The following FBXO25 variants were observed in gnomAD, a reference collection of about 807,000 sequenced individuals.
The protein encoded by FBXO25 is F-box protein 25.
Under a neutral mutation model 51.9 loss-of-function variants are expected in FBXO25, and 45 were observed. The ratio of observed to expected loss-of-function variants is 0.87; its 90% CI spans 0.68 to 1.11. FBXO25 has a LOEUF of 1.11. Among genes scored for constraint, FBXO25 ranks in the 50% most tolerant of loss-of-function variants. FBXO25 has a pLI of 0.00. For synonymous variants in FBXO25, 199 were observed against 151.0 expected (o/e 1.32, Z -2.33); for missense variants, 507 against 428.5 (o/e 1.18, Z -1.62).
At chr8:467,876 C>T (rs1800283005) in intron 9 of FBXO25, 1 of 1,569,366 alleles carries the variant, frequency 6.4e-7, no homozygotes, top group African/African-American at 1.3e-5. Context: ...TTTCTCAGGA[C>T]CCTGAGCAGG....
chr8:468,372 G>C (rs1800327009), intron 9 of FBXO25: 3 of 709,396 alleles, frequency 4.2e-6, no homozygotes, highest in Non-Finnish European at 5.2e-6. Flanking sequence ...CCAGAGGACA[G>C]AAAGTCCCCA....
intron 8 of FBXO25, among the ~76,000 whole-genome samples, chr8:462,259 A>G (rs1470725998): frequency 2.0e-5 from 3 of 152,224 alleles, no homozygotes; most frequent in African/African-American, 4.8e-5. Context: ...TCATGAGGTT[A>G]TCGTCCATTT....
chr8:476,373 T>C lies in FBXO25; in HGVS notation c.*7569T>C, dbSNP rs1800645218. ...TCTGGTTTTGGTATCAGAATAATGA[T>C]GGCCTCATAGAATGCATTTGGAAGT... On this transcript the variant is annotated 3_prime_UTR_variant, in exon 10 of 10. Coordinates refer to ENST00000350302, the MANE Select transcript of FBXO25 (RefSeq NM_183420.2). 6.6e-6 allele frequency: 1 copy of C among 152,228 alleles called. No individual in the cohort carries two copies. The allele number at this position is 152,228 out of a possible 1,614,324, so 9.4% of individuals were successfully genotyped here. A position where few individuals can be genotyped will look rare whatever the true frequency, so the allele number is the denominator to read the frequency against.
rs986765941 is a variant in FBXO25 at position 477,899 on chromosome 8, T to C, written c.*9095T>C. On this transcript the variant is annotated 3_prime_UTR_variant, in exon 10 of 10. Coordinates refer to ENST00000350302, the MANE Select transcript of FBXO25 (RefSeq NM_183420.2). ...TGGTGGGCCCAATTTTGGCCTGTAT[T>C]TCACTTGCCAACCTGATTTATACTT... is the stretch of plus-strand genomic sequence containing the variant. 8 of 152,232 alleles carry C rather than the reference T, an allele frequency of 5.3e-5. No homozygotes were observed. The highest frequency in any genetic ancestry group is 1.7e-4 in the African/African-American group (7 of 41,472). The allele number at this position is 152,232 out of a possible 1,614,324, so 9.4% of individuals were successfully genotyped here. A position where few individuals can be genotyped will look rare whatever the true frequency, so the allele number is the denominator to read the frequency against.
intron 1 of FBXO25, chr8:407,559 C>G: frequency 3.5e-6 from 2 of 564,528 alleles, no homozygotes; most frequent in Non-Finnish European, 4.5e-6. Flanking sequence ...TTCCCGCCCC[C>G]ACCCTCCTGG....
At chr8:418,294 TTTCCC>T (rs1047183495) in intron 2 of FBXO25, among the ~76,000 whole-genome samples, 1 of 151,876 alleles carries the variant, frequency 6.6e-6, no homozygotes, top group Admixed American at 6.6e-5. Flanking sequence ...TTTCTTTTCC[TTTCCC>T]TTTCCTTTCC....
At chr8:457,353 CAG>C (rs1222097177) in intron 7 of FBXO25, among the ~76,000 whole-genome samples, 4 of 152,330 alleles carry the variant, frequency 2.6e-5, no homozygotes, top group African/African-American at 9.6e-5. Flanking sequence ...AGGTCAACCT[CAG>C]AGCAGAGTTT....
At chr8:439,986 A>T (rs1367412607) in intron 5 of FBXO25, among the ~76,000 whole-genome samples, 1 of 152,168 alleles carries the variant, frequency 6.6e-6, no homozygotes, top group African/African-American at 2.4e-5. Context: ...ATTTTTTCAT[A>T]ATTTCTACTA....
At chr8:425,469 C>G (rs762765327) in intron 2 of FBXO25, among the ~76,000 whole-genome samples, 3 of 151,246 alleles carry the variant, frequency 2.0e-5, no homozygotes, top group Non-Finnish European at 2.9e-5. Context: ...TGAGAGCCAG[C>G]TTTTGGATTT....
chr8:475,017 G>A lies in FBXO25; in HGVS notation c.*6213G>A. 2 of 403,296 alleles carry A rather than the reference G, an allele frequency of 5.0e-6. No individual in the cohort carries two copies. The highest frequency in any genetic ancestry group is 9.7e-6 in the Non-Finnish European group (2 of 206,912). 25.0% of individuals were successfully genotyped at this position (403,296 alleles called of 1,614,324 possible). A position where few individuals can be genotyped will look rare whatever the true frequency, so the allele number is the denominator to read the frequency against. On this transcript the variant is annotated 3_prime_UTR_variant, in exon 10 of 10. Coordinates refer to ENST00000350302, the MANE Select transcript of FBXO25 (RefSeq NM_183420.2). Reference sequence around the variant, plus strand: ...TTAGTTACCTGTGTGTGCCTCTGGTGTCATATCTAAGAAATCACTGCCAAA... The same window carrying A: ...TTAGTTACCTGTGTGTGCCTCTGGTATCATATCTAAGAAATCACTGCCAAA...
At chr8:457,098 G>A (rs558565264) in intron 7 of FBXO25, among the ~76,000 whole-genome samples, 5 of 152,282 alleles carry the variant, frequency 3.3e-5, no homozygotes, top group African/African-American at 7.2e-5. Flanking sequence ...TACATACATC[G>A]ACCTATTGGG....
rs1800529071 is a variant in FBXO25, at chr8:472,964, G to C, written c.*4160G>C. 6.6e-6 allele frequency: 1 copy of C among 152,264 alleles called. No individual in the cohort carries two copies. The highest frequency in any genetic ancestry group is 1.5e-5 in the Non-Finnish European group (1 of 68,086). 9.4% of individuals were successfully genotyped at this position (152,264 alleles called of 1,614,324 possible). On this transcript the variant is annotated 3_prime_UTR_variant, in exon 10 of 10. Transcript: ENST00000350302. ...CACCTCCCTTTAGTCCCTATCAAAT[G>C]CTACCCAATGGCAAAGCCAAGGGAT...
chr8:417,484 T>C (rs1796879141), intron 2 of FBXO25, among the ~76,000 whole-genome samples: 1 of 152,168 alleles, frequency 6.6e-6, no homozygotes. Flanking sequence ...TATGGTGCAG[T>C]AAGAGGGTCG....
rs1248595583 is a variant in FBXO25, at chr8:440,854, C to A, written c.381+5147C>A. Reference sequence around the variant, plus strand: ...CATGTGGTGTTTGGTTTTCTGTTCTCGTGTTAGTTTGCTGAGAATAATGGT... The same window carrying A: ...CATGTGGTGTTTGGTTTTCTGTTCTAGTGTTAGTTTGCTGAGAATAATGGT... On this transcript the variant is annotated intron_variant, in intron 5 of 9. Transcript: ENST00000350302. 6.9e-5 allele frequency among the ~76,000 whole-genome samples: 10 copies of A among 144,076 alleles called. No homozygotes were observed. The South Asian group carries it at 2.1e-3, about 30-fold the overall frequency. The allele number at this position is 144,076 out of a possible 152,430, so 94.5% of individuals were successfully genotyped here. A position where few individuals can be genotyped will look rare whatever the true frequency, so the allele number is the denominator to read the frequency against.
chr8:449,378 G>A (rs367550065), intron 5 of FBXO25, among the ~76,000 whole-genome samples: 5 of 152,220 alleles, frequency 3.3e-5, no homozygotes, highest in Non-Finnish European at 5.9e-5. Context: ...CCTCTACTTC[G>A]TGGGTTCTGT....
intron 5 of FBXO25, among the ~76,000 whole-genome samples, chr8:437,981 A>T (rs1798201154): frequency 6.6e-6 from 1 of 152,134 alleles, no homozygotes; most frequent in Non-Finnish European, 1.5e-5. Flanking sequence ...AAAATGCTTG[A>T]TAAAAGGTTT....
rs185342163 is a variant in FBXO25 at position 466,782 on chromosome 8, C to T, written c.988-1933C>T. Reference sequence around the variant, plus strand: ...TTTTAACTTTTCTACCTGCCTTAGTCAGCCTTCCACACAGTCTGTAAGTAA... The same window carrying T: ...TTTTAACTTTTCTACCTGCCTTAGTTAGCCTTCCACACAGTCTGTAAGTAA... On this transcript the variant is annotated intron_variant, in intron 9 of 9. Coordinates refer to ENST00000350302, the MANE Select transcript of FBXO25 (RefSeq NM_183420.2). 2.4e-4 allele frequency among the ~76,000 whole-genome samples: 36 copies of T among 152,224 alleles called. No homozygotes were observed. In the Middle Eastern group the frequency reaches 0.01, roughly 43 times the overall value.
intron 2 of FBXO25, among the ~76,000 whole-genome samples, chr8:417,793 C>G (rs1796898636): frequency 6.6e-6 from 1 of 152,124 alleles, no homozygotes. Flanking sequence ...TTAGGTATAC[C>G]ATAACTTATT....
chr8:417,125 G>A (rs1290162835), intron 2 of FBXO25, among the ~76,000 whole-genome samples: 1 of 152,194 alleles, frequency 6.6e-6, no homozygotes, highest in Non-Finnish European at 1.5e-5. Context: ...TGGGTAAGGG[G>A]AGCCCGGAAG....
Sources: allele counts gnomAD v4.1 joint callset (sites outside exome capture counted in the v4.1 genomes callset), GRCh38; gene constraint gnomAD v4.1.1; transcripts MANE v1.5; gene names NCBI Gene and HGNC (gene_info 2026-07-23, HGNC 2026-07-21).